The following TXNRD3 variants were observed in gnomAD, a reference collection of about 807,000 sequenced individuals.
TXNRD3 encodes the protein TXNRD3 neighbor gene protein.
A neutral mutation model predicts 78.2 loss-of-function variants in TXNRD3; 68 were observed. The observed-to-expected ratio is 0.87, with a 90% CI of 0.72 to 1.06. The LOEUF (loss-of-function observed/expected upper bound fraction) is 1.06. TXNRD3 is among the 50% of genes least tolerant of loss of function. The probability of loss-of-function intolerance (pLI) is 0.00; values close to 1 mark genes in which losing one functional copy is unlikely to be tolerated. For missense variants in TXNRD3, 751 were observed against 809.5 expected, an observed-to-expected ratio of 0.93 and a Z score of 0.88; for synonymous variants, 296 against 300.1, an observed-to-expected ratio of 0.99 and a Z score of 0.14.
At chr3:126,620,294 CAAAAA>C (rs10539573) in intron 12 of TXNRD3, among the ~76,000 whole-genome samples, 6 of 99,528 alleles carry the variant, frequency 6.0e-5, no homozygotes, top group Admixed American at 1.1e-4. Flanking sequence ...GACTCTGTCT[CAAAAA>C]AAAAAAAAAA....
At chr3:126,609,127 A>G in intron 14 of TXNRD3, 1 of 444,252 alleles carries the variant, frequency 2.3e-6, no homozygotes, top group East Asian at 7.1e-5. Flanking sequence ...GGTGCAGGCA[A>G]TGAGCTGACC....
rs1185697126 is a variant in TXNRD3 at position 126,644,070 on chromosome 3, A to G, written c.520-17T>C. ...GGCAGCTTCCTACAAACGAACAACA[A>G]CAAAAATTACGTATAAAGATCTTGT... On this transcript the variant is annotated splice_polypyrimidine_tract_variant and intron_variant, in intron 4 of 15. Transcript: ENST00000524230. The G allele has an allele frequency of 6.5e-7, 1 of 1,535,006 alleles. No individual in the cohort carries two copies. The highest frequency in any genetic ancestry group is 2.0e-5 in the Admixed American group (1 of 50,782).
rs773728607 is a variant in TXNRD3 at position 126,621,801 on chromosome 3, C to T, written c.1465G>A (p.Val489Ile). 1.2e-5 allele frequency: 18 copies of T among 1,535,376 alleles called. No homozygotes were observed. The highest frequency in any genetic ancestry group is 1.4e-5 in the Non-Finnish European group (16 of 1,146,728). ...AGCAGCTTGCCTGACTGTATGGCGA[C>T]AGGAGTGAGCTCTGGCTTATCCTCC... The change falls in exon 12 of 16, where the codon GTC becomes ATC. Residue 489 changes from valine (V) to isoleucine (I), a missense_variant. Coordinates refer to ENST00000524230, the MANE Select transcript of TXNRD3 (RefSeq NM_052883.3).
chr3:126,611,225 A>G, intron 13 of TXNRD3, 93 bp from the exon 14 acceptor site: 1 of 748,048 alleles, frequency 1.3e-6, no homozygotes, highest in South Asian at 3.9e-5. Flanking sequence ...AATAATCTCC[A>G]TAGCAGCTTT....
chr3:126,640,612 A>T (rs1559778208), intron 6 of TXNRD3, among the ~76,000 whole-genome samples: 1 of 152,184 alleles, frequency 6.6e-6, no homozygotes, highest in Non-Finnish European at 1.5e-5. Flanking sequence ...AAATCTCTGC[A>T]CAAAGAGACA....
At position 126,644,297 on chromosome 3, in the gene TXNRD3, C is replaced by T. The variant is rs766275890; in HGVS notation, c.519G>A (p.Lys173=). Residue 173 remains lysine (K), a splice_region_variant and synonymous_variant, in exon 4 of 16, where the codon AAG becomes AAA. Transcript: ENST00000524230. ...ACGAGTTTCATTTCTATATTCATAC[C>T]TTCGCACATGAAAGGCCTCCAGAAC... is the stretch of plus-strand genomic sequence containing the variant. 1 of 1,535,450 alleles carries T rather than the reference C, an allele frequency of 6.5e-7. No homozygotes were observed. Among genetic ancestry groups the T allele is most frequent in the South Asian group, 1.2e-5 (1 of 83,990 alleles).
chr3:126,622,694 C>T (rs1337534415), intron 10 of TXNRD3, among the ~76,000 whole-genome samples, 154 bp from the exon 11 acceptor site: 1 of 152,162 alleles, frequency 6.6e-6, no homozygotes, highest in African/African-American at 2.4e-5. Flanking sequence ...GAAATAGATT[C>T]CTTAAAAGAC....
chr3:126,649,475 A>G (rs1024696786), intron 1 of TXNRD3, among the ~76,000 whole-genome samples: 1 of 152,244 alleles, frequency 6.6e-6, no homozygotes, highest in Non-Finnish European at 1.5e-5. Context: ...CACATAATCA[A>G]GCAACTCCAT....
chr3:126,636,966 T>C lies in TXNRD3; in HGVS notation c.713-2915A>G, dbSNP rs146326153. ...AGCTCATCAGCTATTGTTAGTGTAT[T>C]TTATGTGTGGCCCAAGACAATTCTT... On this transcript the variant is annotated intron_variant, in intron 6 of 15. Transcript: ENST00000524230. 5.3e-4 allele frequency among the ~76,000 whole-genome samples: 81 copies of C among 152,118 alleles called. 4 individuals are homozygous for C. The East Asian group carries it at 0.016, about 29-fold the overall frequency.
intron 1 of TXNRD3, among the ~76,000 whole-genome samples, chr3:126,653,232 C>A (rs992360845): frequency 1.3e-5 from 2 of 152,194 alleles, no homozygotes; most frequent in Non-Finnish European, 2.9e-5. Flanking sequence ...TACAATAAAA[C>A]TGGTTTTGTT....
At chr3:126,610,402 CTG>C (rs1938171372) in intron 14 of TXNRD3, among the ~76,000 whole-genome samples, 1 of 152,176 alleles carries the variant, frequency 6.6e-6, no homozygotes, top group South Asian at 2.1e-4. Context: ...TATAAACAAA[CTG>C]TGCTTTAAAC....
chr3:126,654,986 TC>T lies in TXNRD3; in HGVS notation c.4del (p.Glu2SerfsTer68). ...CCCGGGCGACTGCGGCGGCGACCGC[TC>T]CAGAGTCTCGCTCTCGCTCCTGGCC... On this transcript the variant is annotated frameshift_variant, in exon 1 of 16. Transcript: ENST00000524230. LOFTEE classifies it high-confidence loss of function. 7.7e-7 allele frequency: 1 copy of T among 1,303,892 alleles called. No homozygotes were observed. The highest frequency in any genetic ancestry group is 9.7e-7 in the Non-Finnish European group (1 of 1,030,636). 80.8% of individuals were successfully genotyped at this position (1,303,892 alleles called of 1,614,324 possible). A position where few individuals can be genotyped will look rare whatever the true frequency, so the allele number is the denominator to read the frequency against.
chr3:126,644,312 G>C lies in TXNRD3; in HGVS notation c.504C>G (p.Gly168=), dbSNP rs1275477854. ...ATATTCATACCTTCGCACATGAAAG[G>C]CCTCCAGAACCACCACCGATGATGA... The change falls in exon 4 of 16, where the codon GGC becomes GGG. Residue 168 remains glycine (G), a synonymous_variant. Transcript: ENST00000524230. The C allele has an allele frequency of 5.2e-6, 8 of 1,536,064 alleles. No individual in the cohort carries two copies. The highest frequency in any genetic ancestry group is 7.0e-6 in the Non-Finnish European group (8 of 1,146,876).
intron 12 of TXNRD3, among the ~76,000 whole-genome samples, chr3:126,619,730 T>TAAATAAATGACAAACGTTTGAGGTAATGG (rs1938403363): frequency 6.6e-6 from 1 of 152,162 alleles, no homozygotes. Flanking sequence ...TGTTCCCACA[T>TAAATAAATGACAAACGTTTGAGGTAATGG]AAATAAATGA....
At chr3:126,644,244 G>C in intron 4 of TXNRD3, 53 bp downstream of exon 4, 1 of 1,446,314 alleles carries the variant, frequency 6.9e-7, no homozygotes, top group South Asian at 1.2e-5. Context: ...AGAAGAAATA[G>C]CTATGGCAGT....
At chr3:126,651,189 T>G (rs954851930) in intron 1 of TXNRD3, among the ~76,000 whole-genome samples, 9 of 152,166 alleles carry the variant, frequency 5.9e-5, no homozygotes, top group Non-Finnish European at 1.0e-4. Context: ...ACCAAGTTAG[T>G]GAGCGGCCAC....
intron 14 of TXNRD3, chr3:126,609,181 C>T (rs1477564530): frequency 2.3e-6 from 1 of 443,772 alleles, no homozygotes; most frequent in Middle Eastern, 3.3e-4. Context: ...TCCACGGTAA[C>T]GGTGCATTCT....
At chr3:126,638,448 T>A (rs969942002) in intron 6 of TXNRD3, among the ~76,000 whole-genome samples, 1 of 152,146 alleles carries the variant, frequency 6.6e-6, no homozygotes, top group Non-Finnish European at 1.5e-5. Flanking sequence ...TTAGAAAGCA[T>A]TTTAGCCGGG....
intron 5 of TXNRD3, 36 bp from the exon 6 acceptor site, chr3:126,642,187 T>A: frequency 2.0e-6 from 3 of 1,515,140 alleles, no homozygotes; most frequent in Non-Finnish European, 2.6e-6. Flanking sequence ...CTTCTTTGTG[T>A]GTCTAGTTTC....
Sources: allele counts gnomAD v4.1 joint callset (sites outside exome capture counted in the v4.1 genomes callset), GRCh38; gene constraint gnomAD v4.1.1; transcripts MANE v1.5; gene names NCBI Gene and HGNC (gene_info 2026-07-23, HGNC 2026-07-21).